Variants in ZBTB20 observed in about 807,000 individuals in gnomAD.
The protein encoded by ZBTB20 is zinc finger and BTB domain containing 20, also known as zinc finger and BTB domain-containing protein 20.
Under a neutral mutation model 56.9 loss-of-function variants are expected in ZBTB20, and 9 were observed. The ratio of observed to expected loss-of-function variants is 0.16; its 90% confidence interval spans 0.10 to 0.28. ZBTB20 has a LOEUF of 0.28. Among genes scored for constraint, ZBTB20 ranks in the 10% least tolerant of loss-of-function variants. ZBTB20 has a pLI of 1.00. For synonymous variants in ZBTB20, 417 were observed against 420.7 expected (o/e 0.99, Z 0.11); for missense variants, 655 against 1,003.0 (o/e 0.65, Z 4.69).
In ZBTB20 at chr3:114,922,371, T is replaced by C. The variant is rs184169805; in HGVS notation, c.-455-22029A>G. On this transcript the variant is annotated intron_variant, in intron 3 of 11. Transcript: ENST00000675478. ...AAAAATTGGAAAGGAAGAAGTTAAA[T>C]GGTCTCTGTTTATAGATGACATAAT... Among the ~76,000 whole-genome samples the C allele has an allele frequency of 9.5e-4, 144 of 152,140 alleles. 1 individual carries two copies. Among genetic ancestry groups the C allele is most frequent in the African/African-American group, 3.3e-3 (136 of 41,520 alleles).
chr3:114,462,175 T>C (rs1342158442), intron 7 of ZBTB20, among the ~76,000 whole-genome samples: 2 of 152,148 alleles, frequency 1.3e-5, no homozygotes, highest in Non-Finnish European at 1.5e-5. Flanking sequence ...TAGGACCACA[T>C]TGTTGGTGAT....
At chr3:114,387,513 G>A (rs1376355335) in intron 8 of ZBTB20, 2 of 152,186 alleles carry the variant, frequency 1.3e-5, no homozygotes, top group African/African-American at 4.8e-5. Context: ...GGACTTCTCT[G>A]TAATCTGTAG....
intron 7 of ZBTB20, among the ~76,000 whole-genome samples, chr3:114,435,531 G>C (rs2090460498): frequency 6.6e-6 from 1 of 152,168 alleles, no homozygotes; most frequent in African/African-American, 2.4e-5. Context: ...TCCTCACCAT[G>C]CCTTGCCAGG....
chr3:114,761,552 A>T (rs2068439301), intron 5 of ZBTB20, among the ~76,000 whole-genome samples: 1 of 152,156 alleles, frequency 6.6e-6, no homozygotes. Flanking sequence ...AAAGAAAATA[A>T]GTCCGGGCAC....
chr3:114,330,135 A>T lies in ZBTB20; in HGVS notation c.*8870T>A, dbSNP rs1222202223. On this transcript the variant is annotated 3_prime_UTR_variant, in exon 12 of 12. Coordinates refer to ENST00000675478, the MANE Select transcript of ZBTB20 (RefSeq NM_001348800.3). ...ACCTCTTTGTATTAGTCACACCAAC[A>T]AAAAAGTTTCAAAAAAAGTTTTCAC... 1.3e-5 allele frequency: 2 copies of T among 152,246 alleles called. No homozygotes were observed. The highest frequency in any genetic ancestry group is 2.9e-5 in the Non-Finnish European group (2 of 68,048). 9.4% of individuals were successfully genotyped at this position (152,246 alleles called of 1,614,324 possible). A position where few individuals can be genotyped will look rare whatever the true frequency, so the allele number is the denominator to read the frequency against.
intron 7 of ZBTB20, among the ~76,000 whole-genome samples, chr3:114,495,399 A>G (rs2043174847): frequency 6.6e-6 from 1 of 152,156 alleles, no homozygotes; most frequent in South Asian, 2.1e-4. Context: ...TGAAAGAAAG[A>G]AAAGGTTACT....
At chr3:114,433,303 G>A (rs1363284434) in intron 7 of ZBTB20, among the ~76,000 whole-genome samples, 1 of 152,156 alleles carries the variant, frequency 6.6e-6, no homozygotes, top group East Asian at 1.9e-4. Flanking sequence ...AGAAGTAGAT[G>A]AAAATCAAAA....
intron 5 of ZBTB20, among the ~76,000 whole-genome samples, chr3:114,711,897 C>A (rs1325377598): frequency 1.3e-5 from 2 of 152,082 alleles, no homozygotes; most frequent in East Asian, 3.8e-4. Context: ...TTTGACGATG[C>A]GCTATATAAA....
chr3:114,988,365 C>T (rs1405837300), intron 2 of ZBTB20, among the ~76,000 whole-genome samples: 2 of 150,344 alleles, frequency 1.3e-5, no homozygotes, highest in African/African-American at 4.9e-5. Context: ...GGTTTTTTGT[C>T]CTTGTGATAG....
chr3:114,901,917 T>C (rs921593602), intron 3 of ZBTB20, among the ~76,000 whole-genome samples: 4 of 152,164 alleles, frequency 2.6e-5, no homozygotes, highest in East Asian at 1.9e-4. Context: ...CTTTCATATA[T>C]AGTTAATTAT....
chr3:114,444,354 A>G (rs1047331377), intron 7 of ZBTB20, among the ~76,000 whole-genome samples: 6 of 152,114 alleles, frequency 3.9e-5, no homozygotes, highest in African/African-American at 1.4e-4. Flanking sequence ...AGGGAGTACA[A>G]TGCATTTGGG....
chr3:114,566,770 T>C (rs1008652674), intron 6 of ZBTB20, among the ~76,000 whole-genome samples: 1 of 152,204 alleles, frequency 6.6e-6, no homozygotes, highest in Non-Finnish European at 1.5e-5. Flanking sequence ...GCCTTTGAGA[T>C]GCAAAATGTA....
Position 114,332,502 on chromosome 3 carries a change from A to G in ZBTB20, c.*6503T>C, listed in dbSNP as rs1351801567. 1 of 152,200 alleles carries G rather than the reference A, an allele frequency of 6.6e-6. No homozygotes were observed. The highest frequency in any genetic ancestry group is 1.5e-5 in the Non-Finnish European group (1 of 68,024). 9.4% of individuals were successfully genotyped at this position (152,200 alleles called of 1,614,324 possible). A position where few individuals can be genotyped will look rare whatever the true frequency, so the allele number is the denominator to read the frequency against. On this transcript the variant is annotated 3_prime_UTR_variant, in exon 12 of 12. Coordinates refer to ENST00000675478, the MANE Select transcript of ZBTB20 (RefSeq NM_001348800.3). The stretch of plus-strand genomic sequence containing the variant: ...ATTCAGCCCCAACCTACGTCACTGA[A>G]ATAGAATAGGAAATAGCAGCCACTA...
intron 1 of ZBTB20, among the ~76,000 whole-genome samples, chr3:115,146,744 G>C (rs1366244637): frequency 6.6e-6 from 1 of 152,182 alleles, no homozygotes; most frequent in Non-Finnish European, 1.5e-5. Flanking sequence ...GAGGGAGGGG[G>C]CAGAAGACAA....
At chr3:114,484,816 TGTGC>T (rs1453799816) in intron 7 of ZBTB20, among the ~76,000 whole-genome samples, 7 of 150,706 alleles carry the variant, frequency 4.6e-5, no homozygotes, top group African/African-American at 9.8e-5. Context: ...TGTGTGTGTG[TGTGC>T]GCGTGCATGT....
intron 7 of ZBTB20, among the ~76,000 whole-genome samples, chr3:114,416,705 A>T (rs1432050333): frequency 6.6e-6 from 1 of 152,070 alleles, no homozygotes; most frequent in Non-Finnish European, 1.5e-5. Context: ...TACTGCACAT[A>T]ATCAGTCCCT....
chr3:114,972,409 C>T (rs973729542), intron 3 of ZBTB20, among the ~76,000 whole-genome samples: 2 of 152,118 alleles, frequency 1.3e-5, no homozygotes, highest in African/African-American at 2.4e-5. Context: ...CTGCATAGTA[C>T]CATTTCTGCA....
chr3:115,048,843 A>G (rs182088681), intron 2 of ZBTB20, among the ~76,000 whole-genome samples: 69 of 152,222 alleles, frequency 4.5e-4, no homozygotes, highest in Non-Finnish European at 2.4e-4. Flanking sequence ...ATGATATATA[A>G]AAGAGTATTT....
intron 10 of ZBTB20, among the ~76,000 whole-genome samples, chr3:114,372,683 A>G (rs575533862): frequency 6.7e-6 from 1 of 150,062 alleles, no homozygotes; most frequent in Non-Finnish European, 1.5e-5. Context: ...CAAACAAAAA[A>G]CCCCCCAAAA....
Sources: allele counts gnomAD v4.1 joint callset (sites outside exome capture counted in the v4.1 genomes callset), GRCh38; gene constraint gnomAD v4.1.1; transcripts MANE v1.5; gene names NCBI Gene and HGNC (gene_info 2026-07-23, HGNC 2026-07-21).